RBFOX1: variants seen among roughly 807,000 people sequenced by gnomAD.
The protein encoded by RBFOX1 is RNA binding protein fox-1 homolog 1.
RBFOX1 carries 8 observed loss-of-function variants against 57.7 expected under a neutral mutation model. The ratio of observed to expected loss-of-function variants is 0.14; its 90% CI spans 0.08 to 0.25. The LOEUF is 0.25. RBFOX1 is among the 10% of genes least tolerant of loss of function. The pLI is 1.00. For synonymous variants in RBFOX1, 326 were observed against 222.4 expected, an observed-to-expected ratio of 1.47 and a Z score of -4.15; for missense variants, 611 against 548.5, an observed-to-expected ratio of 1.11 and a Z score of -1.14.
At chr16:6,654,184 G>C (rs913793150) in intron 2 of RBFOX1, among the ~76,000 whole-genome samples, 1 of 152,078 alleles carries the variant, frequency 6.6e-6, no homozygotes, top group Non-Finnish European at 1.5e-5. Flanking sequence ...ATGGTTGGAA[G>C]GATAAAAAAT....
chr16:7,485,264 G>T (rs867132275), intron 4 of RBFOX1, among the ~76,000 whole-genome samples: 1 of 152,148 alleles, frequency 6.6e-6, no homozygotes, highest in East Asian at 1.9e-4. Context: ...GCACCCTCGC[G>T]TGTTGCTTTT....
rs543576524 is a variant in RBFOX1 at position 6,383,598 on chromosome 16, C to T, written c.-64+66541C>T. Among the ~76,000 whole-genome samples, 23 of 152,164 alleles carry T rather than the reference C, an allele frequency of 1.5e-4. 1 individual carries two copies. The South Asian group carries it at 3.3e-3, about 22-fold the overall frequency. On this transcript the variant is annotated intron_variant, in intron 2 of 15. Coordinates refer to ENST00000550418, the MANE Select transcript of RBFOX1 (RefSeq NM_018723.4). ...GACTGGCCTGGCCAACATGGTGAAA[C>T]CCCGTGTCTACTGAAAATACAAAAA... is the stretch of plus-strand genomic sequence containing the variant.
At chr16:5,800,456 C>T (rs567865093) in intron 3 of RBFOX1, among the ~76,000 whole-genome samples, 5 of 152,240 alleles carry the variant, frequency 3.3e-5, no homozygotes, top group Non-Finnish European at 7.4e-5. Flanking sequence ...ACCCCCAGCA[C>T]GCCCTTGAGC....
chr16:6,849,376 C>A (rs552236349), intron 3 of RBFOX1, among the ~76,000 whole-genome samples: 1 of 152,140 alleles, frequency 6.6e-6, no homozygotes, highest in Non-Finnish European at 1.5e-5. Context: ...TTAGATAGAA[C>A]TGAAAGGCCT....
At chr16:5,504,749 C>T (rs1322794866) in intron 2 of RBFOX1, among the ~76,000 whole-genome samples, 1 of 152,216 alleles carries the variant, frequency 6.6e-6, no homozygotes, top group South Asian at 2.1e-4. Context: ...GGAACCCTCA[C>T]CAGCCCCACC....
chr16:6,611,966 G>A (rs1016751394), intron 2 of RBFOX1, among the ~76,000 whole-genome samples: 1 of 151,086 alleles, frequency 6.6e-6, no homozygotes, highest in Non-Finnish European at 1.5e-5. Flanking sequence ...TTCTGTTACC[G>A]TTCCTTCTTT....
chr16:5,956,679 T>TTTTTTA (rs1555456311), intron 4 of RBFOX1, among the ~76,000 whole-genome samples: 2 of 53,206 alleles, frequency 3.8e-5, no homozygotes, highest in Non-Finnish European at 7.5e-5. Context: ...TATATATATA[T>TTTTTTA]TTTTTTTGAG....
At chr16:7,533,372 C>A (rs1333635340) in intron 5 of RBFOX1, among the ~76,000 whole-genome samples, 1 of 152,124 alleles carries the variant, frequency 6.6e-6, no homozygotes, top group East Asian at 1.9e-4. Flanking sequence ...ACATTTTCTT[C>A]CACCTTGAAA....
chr16:7,007,121 T>C (rs2093349982), intron 3 of RBFOX1, among the ~76,000 whole-genome samples: 1 of 152,216 alleles, frequency 6.6e-6, no homozygotes, highest in African/African-American at 2.4e-5. Context: ...ATAAGGAGGC[T>C]CTGGGAAGAG....
intron 1 of RBFOX1, among the ~76,000 whole-genome samples, chr16:5,400,295 G>A (rs117652966): frequency 0.052 from 7,845 of 151,402 alleles, 273 homozygotes; most frequent in East Asian, 0.12. Flanking sequence ...ATTTCAGCAT[G>A]TTGGTCAGGC....
intron 3 of RBFOX1, among the ~76,000 whole-genome samples, chr16:6,969,285 G>A (rs1167214488): frequency 6.6e-6 from 1 of 152,180 alleles, no homozygotes; most frequent in East Asian, 1.9e-4. Context: ...TGCTTAGGCA[G>A]TTACTCAACG....
chr16:5,478,375 A>G (rs957418198), intron 2 of RBFOX1, among the ~76,000 whole-genome samples: 21 of 152,226 alleles, frequency 1.4e-4, no homozygotes, highest in Middle Eastern at 6.8e-3. Flanking sequence ...GCTTCCAGGA[A>G]CGGGTAATGA....
At chr16:6,405,253 G>A (rs1172883429) in intron 2 of RBFOX1, among the ~76,000 whole-genome samples, 1 of 152,150 alleles carries the variant, frequency 6.6e-6, no homozygotes, top group African/African-American at 2.4e-5. Context: ...AGGGTGTTTT[G>A]AGATGGGCTG....
chr16:5,484,785 A>G (rs549441336), intron 2 of RBFOX1, among the ~76,000 whole-genome samples: 29 of 151,492 alleles, frequency 1.9e-4, no homozygotes, highest in African/African-American at 6.8e-4. Context: ...GGTGGCGGGC[A>G]CCTGTAGTCC....
intron 4 of RBFOX1, among the ~76,000 whole-genome samples, chr16:5,901,298 C>A (rs770555061): frequency 6.6e-6 from 1 of 152,170 alleles, no homozygotes; most frequent in Non-Finnish European, 1.5e-5. Context: ...CAATTTTATG[C>A]TCTGGTAATC....
chr16:7,359,780 C>T (rs928414620), intron 4 of RBFOX1, among the ~76,000 whole-genome samples: 2 of 152,066 alleles, frequency 1.3e-5, no homozygotes, highest in Non-Finnish European at 2.9e-5. Context: ...TTCAGGAGAT[C>T]GAGACCATCC....
intron 4 of RBFOX1, among the ~76,000 whole-genome samples, chr16:6,002,750 A>G (rs1036614733): frequency 6.6e-6 from 1 of 152,244 alleles, no homozygotes; most frequent in African/African-American, 2.4e-5. Context: ...TTTAAGTACC[A>G]TATTTATGTT....
chr16:5,876,128 C>G (rs2057603827), intron 4 of RBFOX1, among the ~76,000 whole-genome samples: 1 of 152,126 alleles, frequency 6.6e-6, no homozygotes, highest in Non-Finnish European at 1.5e-5. Context: ...CAGGTGTGAA[C>G]CACCGCGCCC....
intron 3 of RBFOX1, among the ~76,000 whole-genome samples, chr16:6,941,897 G>A (rs1226285692): frequency 6.6e-6 from 1 of 152,010 alleles, no homozygotes; most frequent in Non-Finnish European, 1.5e-5. Context: ...AGCTTCAAAT[G>A]CCTGTGCTCA....
Sources: allele counts gnomAD v4.1 joint callset (sites outside exome capture counted in the v4.1 genomes callset), GRCh38; gene constraint gnomAD v4.1.1; transcripts MANE v1.5; gene names NCBI Gene and HGNC (gene_info 2026-07-23, HGNC 2026-07-21).